DPYD: variants seen among roughly 807,000 people sequenced by gnomAD.
DPYD encodes the protein dihydropyrimidine dehydrogenase [NADP(+)].
In DPYD, 109 loss-of-function variants were observed where a neutral mutation model predicts 116.2. The observed-to-expected ratio is 0.94, with a 90% CI of 0.80 to 1.10. The LOEUF is 1.10. Among genes scored for constraint, DPYD ranks in the 50% least tolerant of loss-of-function variants. The probability of loss-of-function intolerance (pLI) is 0.00; values close to 1 mark genes in which losing one functional copy is unlikely to be tolerated. For missense variants in DPYD, 1,302 were observed against 1,254.5 expected, an observed-to-expected ratio of 1.04 and a Z score of -0.57; for synonymous variants, 440 against 432.0, an observed-to-expected ratio of 1.02 and a Z score of -0.23.
chr1:97,406,291 A>T (rs868397462), intron 14 of DPYD, among the ~76,000 whole-genome samples: 3,899 of 20,164 alleles, frequency 0.19, 69 homozygotes, highest in Non-Finnish European at 0.38. Context: ...TTTTTTTTTA[A>T]AATTATTAAT....
chr1:97,733,451 C>A lies in DPYD; in HGVS notation c.321+6941G>T, dbSNP rs72977744. On this transcript the variant is annotated intron_variant, in intron 4 of 22. Coordinates refer to ENST00000370192, the MANE Select transcript of DPYD (RefSeq NM_000110.4). ...GTTTATATACAGATTAAATTTTTTT[C>A]TAAAAGTAGTGTCATACTATTCACA... is the stretch of plus-strand genomic sequence containing the variant. 6.8e-3 allele frequency among the ~76,000 whole-genome samples: 1,040 copies of A among 151,938 alleles called. 10 individuals are homozygous for A. The highest frequency in any genetic ancestry group is 0.024 in the African/African-American group (981 of 41,492).
chr1:97,806,574 G>A (rs891641854), intron 3 of DPYD, among the ~76,000 whole-genome samples: 14 of 151,720 alleles, frequency 9.2e-5, no homozygotes, highest in African/African-American at 3.4e-4. Context: ...CCATATTTCT[G>A]CTACCCCCAC....
intron 2 of DPYD, among the ~76,000 whole-genome samples, chr1:97,839,498 T>TTG (rs546028617): frequency 0.01 from 1,559 of 150,106 alleles, 13 homozygotes; most frequent in African/African-American, 0.026. Flanking sequence ...CAGCAATTCT[T>TTG]TGTGTGTGTG....
intron 15 of DPYD, among the ~76,000 whole-genome samples, chr1:97,375,631 C>G (rs1405028018): frequency 6.6e-6 from 1 of 152,156 alleles, no homozygotes; most frequent in Non-Finnish European, 1.5e-5. Flanking sequence ...GAGTTCTAAT[C>G]TTACGCCTGT....
intron 7 of DPYD, among the ~76,000 whole-genome samples, chr1:97,691,025 T>C (rs1420759637): frequency 6.6e-6 from 1 of 152,150 alleles, no homozygotes; most frequent in Non-Finnish European, 1.5e-5. Context: ...AGTACATTAT[T>C]AATCTATTGT....
At chr1:97,678,008 A>C (rs755753665) in intron 8 of DPYD, among the ~76,000 whole-genome samples, 1 of 152,206 alleles carries the variant, frequency 6.6e-6, no homozygotes, top group Non-Finnish European at 1.5e-5. Context: ...TTTATATTAA[A>C]AATGAGTAAC....
intron 20 of DPYD, among the ~76,000 whole-genome samples, chr1:97,127,413 A>G (rs1652932626): frequency 2.0e-5 from 3 of 152,110 alleles, no homozygotes; most frequent in Admixed American, 2.0e-4. Context: ...GCAGAGTTGT[A>G]CATCTCTCAT....
chr1:97,482,142 T>C lies in DPYD; in HGVS notation c.1741-31919A>G, dbSNP rs551540980. Among the ~76,000 whole-genome samples, 202 of 152,088 alleles carry C rather than the reference T, an allele frequency of 1.3e-3. 2 individuals carry two copies. Among genetic ancestry groups the C allele is most frequent in the African/African-American group, 4.7e-3 (193 of 41,500 alleles). ...CGTAGTGCTGGTATTGAAAGAGGAGTCTAAGGGGTATATATAACAAATCCT... is the reference window on the plus strand; with the variant it reads ...CGTAGTGCTGGTATTGAAAGAGGAGCCTAAGGGGTATATATAACAAATCCT... On this transcript the variant is annotated intron_variant, in intron 13 of 22. Transcript: ENST00000370192.
intron 21 of DPYD, among the ~76,000 whole-genome samples, chr1:97,091,565 C>T (rs1649898955): frequency 6.6e-6 from 1 of 152,110 alleles, no homozygotes; most frequent in Non-Finnish European, 1.5e-5. Flanking sequence ...CCGTTAATAT[C>T]AACGTGGACT....
intron 11 of DPYD, among the ~76,000 whole-genome samples, chr1:97,552,174 C>A (rs556051996): frequency 1.1e-4 from 17 of 152,116 alleles, no homozygotes; most frequent in Non-Finnish European, 1.9e-4. Context: ...AATTTCAAAT[C>A]TATGAATTTT....
intron 11 of DPYD, among the ~76,000 whole-genome samples, chr1:97,561,354 C>T (rs2786538): frequency 6.6e-6 from 1 of 152,102 alleles, no homozygotes; most frequent in Admixed American, 6.5e-5. Flanking sequence ...ATTTTCAGTA[C>T]AGACATTTAG....
chr1:97,246,385 G>C (rs1295373497), intron 18 of DPYD, among the ~76,000 whole-genome samples: 1 of 152,058 alleles, frequency 6.6e-6, no homozygotes, highest in East Asian at 1.9e-4. Flanking sequence ...AACAGACACT[G>C]CTGAAACTTA....
At chr1:97,724,123 T>A (rs529614610) in intron 4 of DPYD, among the ~76,000 whole-genome samples, 1 of 151,380 alleles carries the variant, frequency 6.6e-6, no homozygotes, top group African/African-American at 2.4e-5. Context: ...AAACTGCAAA[T>A]AGAAAGAAAC....
At chr1:97,407,744 T>C (rs1270419321) in intron 14 of DPYD, among the ~76,000 whole-genome samples, 1 of 152,102 alleles carries the variant, frequency 6.6e-6, no homozygotes, top group Non-Finnish European at 1.5e-5. Flanking sequence ...TAAGTAGAAG[T>C]GACACCACTC....
chr1:97,531,225 C>T (rs558554073), intron 12 of DPYD, among the ~76,000 whole-genome samples: 3 of 152,218 alleles, frequency 2.0e-5, no homozygotes, highest in African/African-American at 4.8e-5. Flanking sequence ...CATATGCTTC[C>T]TTCTAAGGAG....
At chr1:97,713,976 G>A (rs1662448574) in intron 5 of DPYD, among the ~76,000 whole-genome samples, 1 of 151,884 alleles carries the variant, frequency 6.6e-6, no homozygotes, top group Admixed American at 6.6e-5. Flanking sequence ...AAAGTTATTA[G>A]CTATATATAT....
At chr1:97,372,689 C>T (rs879735337) in intron 16 of DPYD, among the ~76,000 whole-genome samples, 23 of 152,026 alleles carry the variant, frequency 1.5e-4, no homozygotes, top group Admixed American at 3.9e-4. Context: ...GAAATGTTTG[C>T]CCTCCCAAAT....
In DPYD at chr1:97,366,668, T is replaced by C. The variant is rs78597006; in HGVS notation, c.2058+6893A>G. On this transcript the variant is annotated intron_variant, in intron 16 of 22. Coordinates refer to ENST00000370192, the MANE Select transcript of DPYD (RefSeq NM_000110.4). ...CATTCAGGATAATTCTCCACATACA[T>C]AGCTCATAGAGGCTTAAGTCACAAG... Among the ~76,000 whole-genome samples the C allele has an allele frequency of 9.2e-3, 1,394 of 152,202 alleles. 17 individuals are homozygous for C. The highest frequency in any genetic ancestry group is 0.014 in the Admixed American group (220 of 15,282).
intron 8 of DPYD, among the ~76,000 whole-genome samples, chr1:97,661,217 T>G (rs1659236930): frequency 6.6e-6 from 1 of 152,212 alleles, no homozygotes; most frequent in African/African-American, 2.4e-5. Flanking sequence ...AGAGTTGTAA[T>G]GAACTCATTA....
Sources: allele counts gnomAD v4.1 joint callset (sites outside exome capture counted in the v4.1 genomes callset), GRCh38; gene constraint gnomAD v4.1.1; transcripts MANE v1.5; gene names NCBI Gene and HGNC (gene_info 2026-07-23, HGNC 2026-07-21).